Variants in LGR5 observed in about 807,000 individuals in gnomAD.
LGR5 encodes the protein leucine rich repeat containing G protein-coupled receptor 5.
Under a neutral mutation model 76.7 loss-of-function variants are expected in LGR5, and 54 were observed. The ratio of observed to expected loss-of-function variants is 0.70; its 90% CI spans 0.57 to 0.88. The LOEUF (loss-of-function observed/expected upper bound fraction) is 0.88, where lower values mean the gene tolerates loss of function less well. Ranked by LOEUF, LGR5 falls within the 40% of genes least tolerant of loss-of-function variation. The pLI, the probability that LGR5 is intolerant of heterozygous loss-of-function variation, is 0.00. For synonymous variants in LGR5, 406 were observed against 421.9 expected (o/e 0.96, Z 0.46); for missense variants, 1,078 against 1,073.3 (o/e 1.00, Z -0.06).
chr12:71,550,168 T>A (rs1327965196), intron 4 of LGR5, among the ~76,000 whole-genome samples: 8 of 152,108 alleles, frequency 5.3e-5, no homozygotes, highest in African/African-American at 2.4e-5. Context: ...TTTATTTTTT[T>A]ATTTTTTTTT....
intron 1 of LGR5, among the ~76,000 whole-genome samples, chr12:71,485,235 GTACTT>G (rs1263026813): frequency 6.6e-6 from 1 of 152,122 alleles, no homozygotes; most frequent in Non-Finnish European, 1.5e-5. Context: ...ATTGTTTTAA[GTACTT>G]TACATATATT....
chr12:71,577,368 A>G (rs1038502216), intron 13 of LGR5, among the ~76,000 whole-genome samples: 3 of 152,138 alleles, frequency 2.0e-5, no homozygotes, highest in African/African-American at 7.2e-5. Context: ...TTTACTATCA[A>G]AGAATTTTAT....
At chr12:71,475,715 A>C (rs1486359250) in intron 1 of LGR5, among the ~76,000 whole-genome samples, 1 of 152,202 alleles carries the variant, frequency 6.6e-6, no homozygotes, top group Admixed American at 6.5e-5. Context: ...TTGGAACCCT[A>C]ACAAAAGAAA....
intron 1 of LGR5, among the ~76,000 whole-genome samples, chr12:71,494,856 G>C (rs562685072): frequency 6.6e-6 from 1 of 151,140 alleles, no homozygotes; most frequent in African/African-American, 2.5e-5. Context: ...TCTAGTTTAT[G>C]TCAAGCACTC....
At chr12:71,530,907 T>A (rs900530805) in intron 3 of LGR5, among the ~76,000 whole-genome samples, 8 of 151,522 alleles carry the variant, frequency 5.3e-5, no homozygotes, top group African/African-American at 1.9e-4. Flanking sequence ...ACCTAAGAAT[T>A]GAGCCATCAG....
intron 2 of LGR5, among the ~76,000 whole-genome samples, chr12:71,521,854 A>G (rs1592510307): frequency 6.6e-6 from 1 of 152,356 alleles, no homozygotes; most frequent in East Asian, 1.9e-4. Context: ...GTCATAAGAC[A>G]AGTACACACT....
At chr12:71,523,682 G>A (rs973648696) in intron 2 of LGR5, among the ~76,000 whole-genome samples, 2 of 152,040 alleles carry the variant, frequency 1.3e-5, no homozygotes, top group African/African-American at 4.8e-5. Flanking sequence ...ACATGTTTCA[G>A]GTACCACATC....
At chr12:71,508,796 G>A (rs1875000336) in intron 2 of LGR5, among the ~76,000 whole-genome samples, 1 of 137,228 alleles carries the variant, frequency 7.3e-6, no homozygotes, top group Non-Finnish European at 1.6e-5. Flanking sequence ...ACTCTTGATT[G>A]AATGATGAGT....
At chr12:71,439,306 C>T (rs572910071), upstream of LGR5, among the ~76,000 whole-genome samples, 3 of 152,208 alleles carry the variant, frequency 2.0e-5, no homozygotes, top group East Asian at 1.9e-4. Context: ...CGCCTGCCTC[C>T]TTACCCTGAT....
intron 1 of LGR5, among the ~76,000 whole-genome samples, chr12:71,481,555 A>C (rs1247234798): frequency 6.6e-6 from 1 of 152,156 alleles, no homozygotes. Flanking sequence ...TGCATTAAAC[A>C]TATGTGTGCG....
In LGR5 at chr12:71,525,925, T is replaced by G. The variant is rs986500758; in HGVS notation, c.356+1448T>G. Among the ~76,000 whole-genome samples the G allele has an allele frequency of 8.6e-5, 13 of 151,792 alleles. No individual in the cohort carries two copies. The East Asian group carries it at 2.5e-3, about 29-fold the overall frequency. Reference sequence around the variant, plus strand: ...TCTATCATATTTTTATATTTTATATTAATAGTTATACCATTATATATTTCT... The same window carrying G: ...TCTATCATATTTTTATATTTTATATGAATAGTTATACCATTATATATTTCT... On this transcript the variant is annotated intron_variant, in intron 3 of 17. Coordinates refer to ENST00000266674, the MANE Select transcript of LGR5 (RefSeq NM_003667.4).
intron 1 of LGR5, among the ~76,000 whole-genome samples, chr12:71,475,970 G>A (rs370725924): frequency 6.6e-6 from 1 of 152,232 alleles, no homozygotes; most frequent in South Asian, 2.1e-4. Flanking sequence ...GATTCTAACA[G>A]GATAGAAAAA....
intron 3 of LGR5, 67 bp from the exon 4 acceptor site, chr12:71,535,048 T>C: frequency 9.3e-7 from 1 of 1,071,072 alleles, no homozygotes; most frequent in South Asian, 1.3e-5. Context: ...GAACAGTGCC[T>C]GGCCTTGTTT....
rs572531825 is a variant in LGR5, at chr12:71,547,580, A to G, written c.429-5493A>G. ...TTCGTATTTTCTCACTTAATTCCCAAAGCAATTCTGTGACATGTGATTCTG... is the reference window on the plus strand; with the variant it reads ...TTCGTATTTTCTCACTTAATTCCCAGAGCAATTCTGTGACATGTGATTCTG... On this transcript the variant is annotated intron_variant, in intron 4 of 17. Coordinates refer to ENST00000266674, the MANE Select transcript of LGR5 (RefSeq NM_003667.4). Among the ~76,000 whole-genome samples the G allele has an allele frequency of 4.7e-4, 72 of 152,320 alleles. No individual in the cohort carries two copies. The South Asian group carries it at 0.014, about 30-fold the overall frequency.
rs112548555 is a variant in LGR5, at chr12:71,487,455, C to T, written c.213-17159C>T. On this transcript the variant is annotated intron_variant, in intron 1 of 17. Transcript: ENST00000266674. ...TTAGAGACAGGGTCTCACTCTGTCA[C>T]TTAGGCTGGAATGTAGTGGCATAAT... Among the ~76,000 whole-genome samples, 408 of 152,302 alleles carry T rather than the reference C, an allele frequency of 2.7e-3. 2 individuals are homozygous for T. The highest frequency in any genetic ancestry group is 9.4e-3 in the African/African-American group (389 of 41,570).
intron 1 of LGR5, among the ~76,000 whole-genome samples, chr12:71,445,266 G>T (rs1462305876): frequency 6.6e-6 from 1 of 152,158 alleles, no homozygotes; most frequent in Non-Finnish European, 1.5e-5. Context: ...CCTTTATAGA[G>T]CCTCATTTTG....
chr12:71,522,947 C>G (rs933361433), intron 2 of LGR5, among the ~76,000 whole-genome samples: 1 of 152,158 alleles, frequency 6.6e-6, no homozygotes, highest in African/African-American at 2.4e-5. Context: ...ATAAGCAGAG[C>G]CTCTTGGAGA....
At chr12:71,490,204 G>T (rs1190194663) in intron 1 of LGR5, among the ~76,000 whole-genome samples, 1 of 151,748 alleles carries the variant, frequency 6.6e-6, no homozygotes, top group African/African-American at 2.4e-5. Flanking sequence ...CTAGTTAAGA[G>T]AATATAATGT....
intron 13 of LGR5, among the ~76,000 whole-genome samples, chr12:71,576,216 G>A (rs769129422): frequency 6.6e-6 from 1 of 152,182 alleles, no homozygotes; most frequent in Non-Finnish European, 1.5e-5. Flanking sequence ...AAACCTGCAT[G>A]TCCTGCACGT....
Sources: gnomAD v4.1 joint callset for allele counts (sites outside exome capture counted in the v4.1 genomes callset) on GRCh38, gnomAD v4.1.1 for gene constraint, MANE v1.5 for transcripts, NCBI Gene and HGNC (gene_info 2026-07-23, HGNC 2026-07-21) for gene names.